Variants in KIAA0825 observed in about 807,000 individuals in gnomAD.
KIAA0825 encodes the protein KIAA0825, also known as uncharacterized protein KIAA0825.
In KIAA0825, 119 loss-of-function variants were observed where a neutral mutation model predicts 147.6. That is an observed-to-expected ratio of 0.81 (90% CI 0.69 to 0.94). The LOEUF is 0.94. Among genes scored for constraint, KIAA0825 ranks in the 40% least tolerant of loss-of-function variants. The probability of loss-of-function intolerance (pLI) is 0.00; values close to 1 mark genes in which losing one functional copy is unlikely to be tolerated. For synonymous variants in KIAA0825, 470 were observed against 518.1 expected (o/e 0.91, Z 1.26); for missense variants, 1,381 against 1,472.7 (o/e 0.94, Z 1.02).
intron 7 of KIAA0825, among the ~76,000 whole-genome samples, chr5:94,474,343 A>C (rs1761589204): frequency 6.6e-6 from 1 of 152,188 alleles, no homozygotes; most frequent in Non-Finnish European, 1.5e-5. Flanking sequence ...TAGCAGGCTG[A>C]ACCTATGCTT....
At chr5:94,284,028 A>G (rs1055598021) in intron 20 of KIAA0825, among the ~76,000 whole-genome samples, 1 of 152,184 alleles carries the variant, frequency 6.6e-6, no homozygotes, top group African/African-American at 2.4e-5. Flanking sequence ...ATAGTCACTC[A>G]TCTGGATCTG....
chr5:94,187,884 T>C (rs980562496), intron 20 of KIAA0825, among the ~76,000 whole-genome samples: 1 of 152,152 alleles, frequency 6.6e-6, no homozygotes, highest in African/African-American at 2.4e-5. Flanking sequence ...ACAATGTACA[T>C]GCAATGGACT....
chr5:94,324,664 G>C (rs1396267666), intron 20 of KIAA0825, among the ~76,000 whole-genome samples: 2 of 151,610 alleles, frequency 1.3e-5, no homozygotes, highest in Non-Finnish European at 2.9e-5. Context: ...TTATTTCATT[G>C]AGAAATTATG....
At chr5:94,506,139 G>A (rs1765711868) in intron 5 of KIAA0825, among the ~76,000 whole-genome samples, 1 of 152,042 alleles carries the variant, frequency 6.6e-6, no homozygotes, top group African/African-American at 2.4e-5. Context: ...TACAACAAAG[G>A]GCTACCTTTC....
intron 1 of KIAA0825, among the ~76,000 whole-genome samples, chr5:94,584,812 G>A (rs1446248475): frequency 6.6e-6 from 1 of 152,152 alleles, no homozygotes; most frequent in African/African-American, 2.4e-5. Flanking sequence ...TACCCACAAA[G>A]GGAAGCCCAT....
chr5:94,570,873 T>A (rs1309630286), intron 2 of KIAA0825, among the ~76,000 whole-genome samples: 7 of 152,194 alleles, frequency 4.6e-5, no homozygotes. Flanking sequence ...ACCCCATCAA[T>A]GGCCACCATG....
intron 20 of KIAA0825, among the ~76,000 whole-genome samples, chr5:94,198,401 G>C (rs963933029): frequency 2.0e-5 from 3 of 152,012 alleles, no homozygotes; most frequent in Non-Finnish European, 4.4e-5. Context: ...TGTCTGCAAA[G>C]AGAGAGAGTT....
chr5:94,331,593 C>T lies in KIAA0825; in HGVS notation c.3710+52775G>A, dbSNP rs184769725. Among the ~76,000 whole-genome samples the T allele has an allele frequency of 1.2e-4, 18 of 152,154 alleles. 1 individual carries two copies. Among genetic ancestry groups the T allele is most frequent in the Middle Eastern group, 3.4e-3 (1 of 294 alleles). On this transcript the variant is annotated intron_variant, in intron 20 of 20. Transcript: ENST00000682413. ...GCTTTGCCTGAGTATTAAAACCAGA[C>T]GAAGACATTATAAGAAAGCTACATG...
At chr5:94,218,023 C>A (rs746754788) in intron 20 of KIAA0825, among the ~76,000 whole-genome samples, 37 of 152,202 alleles carry the variant, frequency 2.4e-4, no homozygotes, top group Non-Finnish European at 4.9e-4. Flanking sequence ...ACAAAATCAT[C>A]ATGTGGTAGA....
intron 20 of KIAA0825, among the ~76,000 whole-genome samples, chr5:94,331,973 C>A (rs1052560593): frequency 3.3e-5 from 5 of 151,728 alleles, no homozygotes; most frequent in Non-Finnish European, 4.4e-5. Flanking sequence ...ACCAGCCTGG[C>A]CAACATGGTG....
chr5:94,539,225 T>A (rs961170927), intron 2 of KIAA0825, among the ~76,000 whole-genome samples: 3 of 152,184 alleles, frequency 2.0e-5, no homozygotes, highest in African/African-American at 7.2e-5. Context: ...AGGGGAGGCA[T>A]GAATAATCCA....
intron 8 of KIAA0825, 52 bp downstream of exon 8, chr5:94,473,240 A>G: frequency 7.0e-7 from 1 of 1,428,962 alleles, no homozygotes. Flanking sequence ...CCTTATACTA[A>G]AATAAATCCC....
chr5:94,483,623 T>A (rs1183845772), intron 6 of KIAA0825, among the ~76,000 whole-genome samples: 1 of 151,714 alleles, frequency 6.6e-6, no homozygotes, highest in Non-Finnish European at 1.5e-5. Flanking sequence ...AAATCTATAG[T>A]CCATCTTTAT....
intron 2 of KIAA0825, 35 bp from the exon 3 acceptor site, chr5:94,537,162 T>A (rs1772202354): frequency 6.4e-7 from 1 of 1,565,028 alleles, no homozygotes; most frequent in African/African-American, 1.4e-5. Flanking sequence ...AACATGTCAG[T>A]TCCCCCACAA....
chr5:94,408,326 T>G (rs1173007148), intron 15 of KIAA0825, among the ~76,000 whole-genome samples: 1 of 152,144 alleles, frequency 6.6e-6, no homozygotes, highest in Non-Finnish European at 1.5e-5. Flanking sequence ...AATCCTTTTT[T>G]AAATTTTATT....
At chr5:94,180,435 G>C (rs767223728) in intron 20 of KIAA0825, among the ~76,000 whole-genome samples, 69 of 152,042 alleles carry the variant, frequency 4.5e-4, no homozygotes, top group Non-Finnish European at 8.8e-4. Flanking sequence ...AAAACAAAAG[G>C]ATGATAATAG....
intron 20 of KIAA0825, among the ~76,000 whole-genome samples, chr5:94,285,031 T>C (rs1047747866): frequency 3.9e-5 from 6 of 152,110 alleles, no homozygotes; most frequent in Non-Finnish European, 8.8e-5. Context: ...ACATTTTTGT[T>C]AAATGCATGA....
At chr5:94,179,922 A>G (rs1268518501) in intron 20 of KIAA0825, among the ~76,000 whole-genome samples, 1 of 152,098 alleles carries the variant, frequency 6.6e-6, no homozygotes, top group Non-Finnish European at 1.5e-5. Context: ...AATAATCACA[A>G]TTAATAAATA....
chr5:94,594,562 T>C, intron 1 of KIAA0825: 1 of 737,084 alleles, frequency 1.4e-6, no homozygotes, highest in Non-Finnish European at 2.5e-6. Flanking sequence ...GGATCAAGGC[T>C]GCCACCAGGA....
Sources: allele counts gnomAD v4.1 joint callset (sites outside exome capture counted in the v4.1 genomes callset), GRCh38; gene constraint gnomAD v4.1.1; transcripts MANE v1.5; gene names NCBI Gene and HGNC (gene_info 2026-07-23, HGNC 2026-07-21).